CDH23: variants seen among roughly 807,000 people sequenced by gnomAD.
CDH23 encodes the protein cadherin-23.
Under a neutral mutation model 317.1 loss-of-function variants are expected in CDH23, and 189 were observed. The ratio of observed to expected loss-of-function variants is 0.60; its 90% CI spans 0.53 to 0.67. The LOEUF (loss-of-function observed/expected upper bound fraction) is 0.67, where lower values mean the gene tolerates loss of function less well. CDH23 is among the 30% of genes least tolerant of loss of function. The pLI is 0.00. For synonymous variants in CDH23, 1,839 were observed against 1,876.8 expected (o/e 0.98, Z 0.52); for missense variants, 4,401 against 4,592.4 (o/e 0.96, Z 1.20).
chr10:71,716,021 C>T (rs1188391364), intron 28 of CDH23: 1 of 1,501,238 alleles, frequency 6.7e-7, no homozygotes, highest in Non-Finnish European at 8.9e-7. Context: ...GGTGGGCCGG[C>T]CATGGCGGAA....
intron 18 of CDH23, among the ~76,000 whole-genome samples, chr10:71,685,498 A>G (rs1270683349): frequency 1.3e-5 from 2 of 152,230 alleles, no homozygotes; most frequent in African/African-American, 2.4e-5. Context: ...AAGTGTGACC[A>G]GCAGCCTCCC....
chr10:71,509,836 C>T (rs1853853606), intron 3 of CDH23: 1 of 535,570 alleles, frequency 1.9e-6, no homozygotes, highest in Non-Finnish European at 3.4e-6. Flanking sequence ...CTTTTACACA[C>T]TCAGAACATG....
intron 38 of CDH23, among the ~76,000 whole-genome samples, chr10:71,742,927 T>G (rs1839775814): frequency 6.6e-6 from 1 of 152,348 alleles, no homozygotes; most frequent in African/African-American, 2.4e-5. Flanking sequence ...GGCAGCTGCC[T>G]GTCAGCAGGG....
intron 69 of CDH23, among the ~76,000 whole-genome samples, chr10:71,814,440 G>T: frequency 6.6e-6 from 1 of 152,152 alleles, no homozygotes; most frequent in East Asian, 1.9e-4. Flanking sequence ...CAGGTGCGGT[G>T]GCTCACACTT....
chr10:71,639,328 T>G (rs1021077273), intron 11 of CDH23, among the ~76,000 whole-genome samples: 7 of 152,142 alleles, frequency 4.6e-5, no homozygotes, highest in African/African-American at 1.7e-4. Context: ...CTCCACCCCA[T>G]GAAGGCAGTC....
intron 38 of CDH23, chr10:71,761,724 A>C: frequency 6.2e-7 from 1 of 1,614,080 alleles, no homozygotes; most frequent in Non-Finnish European, 8.5e-7. Context: ...GTGATGGAGA[A>C]GTTGCCATGG....
intron 3 of CDH23, among the ~76,000 whole-genome samples, chr10:71,476,892 A>G (rs919891959): frequency 3.3e-5 from 5 of 152,194 alleles, no homozygotes; most frequent in Non-Finnish European, 7.3e-5. Context: ...ATCTGGGAAC[A>G]GTGCCTTGGC....
chr10:71,677,323 G>C, intron 15 of CDH23, 133 bp from the exon 16 acceptor site: 1 of 687,118 alleles, frequency 1.5e-6, no homozygotes. Context: ...AAGTGAAAGG[G>C]AAGGCAGATT....
chr10:71,645,483 G>A (rs1259385985), intron 12 of CDH23, among the ~76,000 whole-genome samples: 9 of 152,100 alleles, frequency 5.9e-5, no homozygotes, highest in African/African-American at 9.7e-5. Context: ...CTGTCTCCCC[G>A]CTGGGTCTTG....
At chr10:71,464,629 C>T (rs1186070822) in intron 3 of CDH23, among the ~76,000 whole-genome samples, 1 of 151,420 alleles carries the variant, frequency 6.6e-6, no homozygotes, top group African/African-American at 2.4e-5. Flanking sequence ...CTGTCAGTTC[C>T]CAATGATGCC....
Position 71,807,988 on chromosome 10 carries a change from G to A in CDH23, c.8703G>A (p.Val2901=). 1 of 1,591,824 alleles carries A rather than the reference G, an allele frequency of 6.3e-7. No individual in the cohort carries two copies. Among genetic ancestry groups the A allele is most frequent in the African/African-American group, 1.3e-5 (1 of 74,606 alleles). ...FRALANDSED[V]GQVFTMGSMD... ...CCCTTGCCAACGACTCTGAAGATGT[G>A]GGCCAGGTCTTCACCATGGGTAGGG... Residue 2901 remains valine, a synonymous_variant, in exon 60 of 70, where the codon GTG becomes GTA. Transcript: ENST00000224721.
intron 2 of CDH23, among the ~76,000 whole-genome samples, chr10:71,445,847 C>CAAAAAAAAAAAAAAAAAAAAAAAA (rs34460284): frequency 1.1e-5 from 1 of 92,038 alleles, no homozygotes; most frequent in Non-Finnish European, 2.0e-5. Context: ...GACTCTGTCT[C>CAAAAAAAAAAAAAAAAAAAAAAAA]AAAAAAAAAA....
chr10:71,420,445 T>TGATGGTGATGATG (rs1848716750), intron 1 of CDH23, among the ~76,000 whole-genome samples: 1 of 26,702 alleles, frequency 3.7e-5, no homozygotes, highest in African/African-American at 1.7e-4. Flanking sequence ...TGATGGTCAT[T>TGATGGTGATGATG]ATGATGGTGA....
intron 8 of CDH23, among the ~76,000 whole-genome samples, chr10:71,573,717 T>C (rs1226151402): frequency 6.6e-6 from 1 of 152,224 alleles, no homozygotes; most frequent in East Asian, 1.9e-4. Flanking sequence ...CCGATCTGGG[T>C]GGTGCAGGTT....
rs1395825602 is a variant in CDH23, at chr10:71,759,954, T to TAC, written c.4846-17718_4846-17717dup. 4.8e-5 allele frequency among the ~76,000 whole-genome samples: 3 copies of TAC among 62,466 alleles called. 1 individual carries two copies. The highest frequency in any genetic ancestry group is 1.3e-4 in the African/African-American group (3 of 22,580). The allele number at this position is 62,466 out of a possible 152,430, so 41.0% of individuals were successfully genotyped here. ...ACATATATACACACACACATATATA[T>TAC]ACACACACATATATATACACACACA... On this transcript the variant is annotated intron_variant, in intron 38 of 69. Coordinates refer to ENST00000224721, the MANE Select transcript of CDH23 (RefSeq NM_022124.6).
chr10:71,774,049 G>GCACACACACA (rs754333116), intron 38 of CDH23, among the ~76,000 whole-genome samples: 9 of 145,584 alleles, frequency 6.2e-5, no homozygotes, highest in Non-Finnish European at 1.1e-4. Flanking sequence ...GCATGCGCGC[G>GCACACACACA]CGCACACACA....
At chr10:71,765,860 G>A (rs887806012) in intron 38 of CDH23, among the ~76,000 whole-genome samples, 11 of 152,282 alleles carry the variant, frequency 7.2e-5, no homozygotes, top group African/African-American at 2.4e-4. Flanking sequence ...AGACAGGAGA[G>A]GGTCCAGGAC....
chr10:71,440,278 A>C (rs937585634), intron 2 of CDH23, among the ~76,000 whole-genome samples: 1 of 152,120 alleles, frequency 6.6e-6, no homozygotes, highest in African/African-American at 2.4e-5. Context: ...TGTGTGACCT[A>C]CTGCACCCAG....
At chr10:71,738,854 T>A (rs1176088933) in intron 35 of CDH23, among the ~76,000 whole-genome samples, 1 of 152,262 alleles carries the variant, frequency 6.6e-6, no homozygotes, top group Non-Finnish European at 1.5e-5. Context: ...CTGGGTCATG[T>A]GGACATGGAG....
Sources: gnomAD v4.1 joint callset for allele counts (sites outside exome capture counted in the v4.1 genomes callset) on GRCh38, gnomAD v4.1.1 for gene constraint, MANE v1.5 for transcripts, NCBI Gene and HGNC (gene_info 2026-07-23, HGNC 2026-07-21) for gene names.